SLC4A4: variants seen among roughly 807,000 people sequenced by gnomAD.
The protein encoded by SLC4A4 is electrogenic sodium bicarbonate cotransporter 1.
In SLC4A4, 27 loss-of-function variants were observed where a neutral mutation model predicts 111.5. The observed-to-expected ratio is 0.24, with a 90% CI of 0.18 to 0.33. The LOEUF is 0.33. Among genes scored for constraint, SLC4A4 ranks in the 10% least tolerant of loss-of-function variants. The probability of loss-of-function intolerance (pLI) is 1.00; values close to 1 mark genes in which losing one functional copy is unlikely to be tolerated. For missense variants in SLC4A4, 909 were observed against 1,315.5 expected, an observed-to-expected ratio of 0.69 and a Z score of 4.78; for synonymous variants, 443 against 463.4, an observed-to-expected ratio of 0.96 and a Z score of 0.57.
chr4:71,299,898 C>T (rs1217866901), intron 3 of SLC4A4, among the ~76,000 whole-genome samples: 1 of 152,148 alleles, frequency 6.6e-6, no homozygotes, highest in East Asian at 1.9e-4. Flanking sequence ...GAAGGAAAGC[C>T]ACTTGTTGCG....
intron 3 of SLC4A4, among the ~76,000 whole-genome samples, chr4:71,317,062 T>TTG (rs1208445779): frequency 4.8e-5 from 5 of 104,796 alleles, no homozygotes; most frequent in African/African-American, 1.7e-4. Flanking sequence ...TGTAACAGGG[T>TTG]TGTGTGTGTG....
intron 6 of SLC4A4, among the ~76,000 whole-genome samples, chr4:71,365,873 A>G (rs140284730): frequency 5.0e-4 from 76 of 152,350 alleles, no homozygotes; most frequent in African/African-American, 1.8e-3. Flanking sequence ...TTGTCTAAGC[A>G]TAGTAAATGG....
rs185152919 is a variant in SLC4A4 at position 71,507,555 on chromosome 4, G to T, written c.2166+9863G>T. 5.9e-4 allele frequency among the ~76,000 whole-genome samples: 90 copies of T among 152,240 alleles called. No homozygotes were observed. The South Asian group carries it at 6.8e-3, about 12-fold the overall frequency. The stretch of plus-strand genomic sequence containing the variant: ...CAAGAAGAGCTAACTATCCTAAATA[G>T]AAATGCTTCCAATAAGGGAGCACCA... On this transcript the variant is annotated intron_variant, in intron 16 of 25. Coordinates refer to ENST00000264485, the MANE Select transcript of SLC4A4 (RefSeq NM_001098484.3).
Position 71,139,325 on chromosome 4 carries a change from T to C in SLC4A4, c.-2+46533T>C, listed in dbSNP as rs56894794. On this transcript the variant is annotated intron_variant, in intron 2 of 26. Coordinates refer to the SLC4A4 transcript ENST00000649996. ...TGAAATCCTCCACTTTTCTACAATC[T>C]TCCTGCTTATTGCTGTCCCACTCCT... Among the ~76,000 whole-genome samples the C allele has an allele frequency of 3.7e-3, 564 of 152,172 alleles. 5 individuals carry two copies. Among genetic ancestry groups the C allele is most frequent in the African/African-American group, 0.012 (510 of 41,508 alleles).
At chr4:71,297,911 A>G (rs75882974) in intron 3 of SLC4A4, among the ~76,000 whole-genome samples, 3,835 of 152,208 alleles carry the variant, frequency 0.025, 184 homozygotes, top group African/African-American at 0.087. Context: ...CTTATGTATA[A>G]TTTTAAAATT....
intron 13 of SLC4A4, among the ~76,000 whole-genome samples, chr4:71,467,631 A>G (rs571149098): frequency 6.6e-6 from 1 of 152,198 alleles, no homozygotes; most frequent in East Asian, 1.9e-4. Context: ...AATCACTAGA[A>G]GTTTCTAATG....
At chr4:71,406,324 T>TG (rs2148993183) in intron 7 of SLC4A4, among the ~76,000 whole-genome samples, 1 of 150,898 alleles carries the variant, frequency 6.6e-6, no homozygotes, top group Admixed American at 6.6e-5. Context: ...AGCCAACACT[T>TG]TTTTTTTTAA....
intron 2 of SLC4A4, among the ~76,000 whole-genome samples, chr4:71,157,048 G>A (rs985226894): frequency 6.6e-6 from 1 of 152,090 alleles, no homozygotes; most frequent in Non-Finnish European, 1.5e-5. Flanking sequence ...AATTATGGCT[G>A]GATTACTCAT....
chr4:71,303,463 C>G (rs1487807928), intron 3 of SLC4A4, among the ~76,000 whole-genome samples: 3 of 152,146 alleles, frequency 2.0e-5, no homozygotes, highest in Non-Finnish European at 4.4e-5. Context: ...TGTTGTCTTG[C>G]TAATGGACCT....
At chr4:71,094,779 A>G (rs1742492948) in intron 2 of SLC4A4, among the ~76,000 whole-genome samples, 1 of 150,268 alleles carries the variant, frequency 6.7e-6, no homozygotes, top group African/African-American at 2.5e-5. Context: ...GTGGTTCACG[A>G]GTCCTCATTT....
Position 71,534,245 on chromosome 4 carries a change from G to A in SLC4A4, c.2299G>A (p.Gly767Ser), listed in dbSNP as rs758489289. 4 of 1,613,488 alleles carry A rather than the reference G, an allele frequency of 2.5e-6. No homozygotes were observed. In the African/African-American group the frequency reaches 4.0e-5, roughly 16 times the overall value. ...SEFKPTSPNR[G>S]WFVPPFGENP... ...TTTCAAGCCAACAAGTCCAAACCGAGGTTGGTTCGTTCCACCGTTTGGAGA... is the reference window on the plus strand; with the variant it reads ...TTTCAAGCCAACAAGTCCAAACCGAAGTTGGTTCGTTCCACCGTTTGGAGA... Residue 767 changes from glycine to serine, a missense_variant, in exon 18 of 26, where the codon GGT becomes AGT. Coordinates refer to ENST00000264485, the MANE Select transcript of SLC4A4 (RefSeq NM_001098484.3).
intron 1 of SLC4A4, among the ~76,000 whole-genome samples, chr4:71,225,745 CTG>C (rs1719008158): frequency 6.6e-6 from 1 of 152,186 alleles, no homozygotes; most frequent in Non-Finnish European, 1.5e-5. Flanking sequence ...ACTCCCAGCC[CTG>C]TGTCCTGGAA....
chr4:71,311,888 T>TGCGAGA (rs1491510042), intron 3 of SLC4A4, among the ~76,000 whole-genome samples: 12 of 31,502 alleles, frequency 3.8e-4, no homozygotes, highest in African/African-American at 7.9e-4. Flanking sequence ...TGTGCAAGGC[T>TGCGAGA]GTGAGAGAGA....
intron 5 of SLC4A4, among the ~76,000 whole-genome samples, chr4:71,351,776 C>T (rs1377165205): frequency 1.3e-5 from 2 of 152,126 alleles, no homozygotes; most frequent in Non-Finnish European, 2.9e-5. Flanking sequence ...TACATTTATT[C>T]AGCAGTAGTA....
At chr4:71,188,344 C>T (rs771093400) in intron 1 of SLC4A4, among the ~76,000 whole-genome samples, 43 of 152,164 alleles carry the variant, frequency 2.8e-4, no homozygotes, top group Non-Finnish European at 5.7e-4. Context: ...CCTCTCAAGG[C>T]CCTACCTTCT....
At chr4:71,180,520 C>T (rs1259621463) in intron 2 of SLC4A4, among the ~76,000 whole-genome samples, 1 of 152,156 alleles carries the variant, frequency 6.6e-6, no homozygotes, top group South Asian at 2.1e-4. Context: ...AAACAAACAA[C>T]CCCATCAAAA....
intron 2 of SLC4A4, among the ~76,000 whole-genome samples, chr4:71,141,801 T>A (rs73826352): frequency 0.039 from 6,005 of 152,308 alleles, 376 homozygotes; most frequent in African/African-American, 0.13. Flanking sequence ...CATTGATATA[T>A]ACTAAAGTGA....
At chr4:71,455,863 T>C (rs1171617965) in intron 12 of SLC4A4, among the ~76,000 whole-genome samples, 1 of 152,212 alleles carries the variant, frequency 6.6e-6, no homozygotes, top group Non-Finnish European at 1.5e-5. Context: ...CCTAGATGGA[T>C]GAACTTCTTT....
At position 71,454,670 on chromosome 4, in the gene SLC4A4, A is replaced by G. The variant is rs145548698; in HGVS notation, c.1497+1001A>G. On this transcript the variant is annotated intron_variant, in intron 12 of 25. Transcript: ENST00000264485. ...ACAAAAATACTATGGAGATTATAAC[A>G]TCTATGTTGACCTAAGTAAAAAGGG... Among the ~76,000 whole-genome samples the G allele has an allele frequency of 5.1e-3, 770 of 152,232 alleles. 4 individuals are homozygous for G. Among genetic ancestry groups the G allele is most frequent in the Non-Finnish European group, 8.7e-3 (589 of 68,026 alleles).
Sources: gnomAD v4.1 joint callset for allele counts (sites outside exome capture counted in the v4.1 genomes callset) on GRCh38, gnomAD v4.1.1 for gene constraint, MANE v1.5 for transcripts, NCBI Gene and HGNC (gene_info 2026-07-23, HGNC 2026-07-21) for gene names.